PITPNB: variants seen among roughly 807,000 people sequenced by gnomAD.
PITPNB encodes the protein phosphatidylinositol transfer protein beta isoform.
A neutral mutation model predicts 45.9 loss-of-function variants in PITPNB; 16 were observed. That is an observed-to-expected ratio of 0.35 (90% CI 0.24 to 0.53). The LOEUF (loss-of-function observed/expected upper bound fraction) is 0.53, where lower values mean the gene tolerates loss of function less well. PITPNB is among the 20% of genes least tolerant of loss of function. PITPNB has a pLI of 0.93. For missense variants in PITPNB, 188 were observed against 330.5 expected (o/e 0.57, Z 3.34); for synonymous variants, 112 against 108.9 (o/e 1.03, Z -0.18).
chr22:27,917,132 ATAAT>A (rs1381437177), intron 1 of PITPNB, among the ~76,000 whole-genome samples: 2 of 152,244 alleles, frequency 1.3e-5, no homozygotes, highest in Non-Finnish European at 2.9e-5. Flanking sequence ...TTTGGGAAAA[ATAAT>A]TAGACTTTGG....
intron 1 of PITPNB, among the ~76,000 whole-genome samples, chr22:27,917,607 T>C (rs1936120807): frequency 6.6e-6 from 1 of 152,192 alleles, no homozygotes; most frequent in Non-Finnish European, 1.5e-5. Flanking sequence ...AAAGGCAAAA[T>C]GTCTCTTCTC....
chr22:27,868,389 A>C (rs10483138), intron 8 of PITPNB, among the ~76,000 whole-genome samples: 6,577 of 152,238 alleles, frequency 0.043, 239 homozygotes, highest in African/African-American at 0.092. Context: ...TTGCAGTTTC[A>C]TTATCTTAGG....
At position 27,852,991 on chromosome 22, in the gene PITPNB, A is replaced by G. The variant is rs1481351847; in HGVS notation, c.*711T>C. The G allele has an allele frequency of 6.6e-6, 1 of 152,662 alleles. No homozygotes were observed. The highest frequency in any genetic ancestry group is 1.9e-4 in the East Asian group (1 of 5,206). The allele number at this position is 152,662 out of a possible 1,614,324, so 9.5% of individuals were successfully genotyped here. On this transcript the variant is annotated 3_prime_UTR_variant, in exon 12 of 12. Coordinates refer to ENST00000335272, the MANE Select transcript of PITPNB (RefSeq NM_012399.5). ...TTAAAAGGATTTTTCCCTCAGGGCA[A>G]ACAAGTAAAAACTGGCCTGTAACTT...
chr22:27,901,427 T>C (rs749030638), intron 3 of PITPNB, among the ~76,000 whole-genome samples: 32 of 152,070 alleles, frequency 2.1e-4, no homozygotes, highest in East Asian at 1.9e-4. Flanking sequence ...CAGATGAACA[T>C]CAAAACACAG....
At chr22:27,873,441 T>C (rs1175952901) in intron 8 of PITPNB, among the ~76,000 whole-genome samples, 1 of 152,228 alleles carries the variant, frequency 6.6e-6, no homozygotes, top group African/African-American at 2.4e-5. Context: ...TGGATTTTTA[T>C]ACTGCTTCAG....
At position 27,856,626 on chromosome 22, in the gene PITPNB, C is replaced by T. The variant is rs1934181598; in HGVS notation, c.769-1687G>A. Among the ~76,000 whole-genome samples, 2 of 152,220 alleles carry T rather than the reference C, an allele frequency of 1.3e-5. 1 individual carries two copies. The highest frequency in any genetic ancestry group is 4.1e-4 in the South Asian group (2 of 4,830). ...TAACTACTCTTCCCCATGTGACACA[C>T]AGTTCTTCAGCATAAAAATTAAAAA... On this transcript the variant is annotated intron_variant, in intron 10 of 11. Transcript: ENST00000335272.
intron 8 of PITPNB, among the ~76,000 whole-genome samples, chr22:27,865,814 C>T (rs559639495): frequency 1.4e-4 from 22 of 152,172 alleles, no homozygotes; most frequent in Admixed American, 7.2e-4. Flanking sequence ...CATGTGTTTA[C>T]CTACATAACA....
intron 3 of PITPNB, among the ~76,000 whole-genome samples, chr22:27,908,287 C>T (rs1416446920): frequency 3.5e-5 from 5 of 144,798 alleles, no homozygotes; most frequent in African/African-American, 1.3e-4. Flanking sequence ...CCATATCCCA[C>T]TACCAGGTGA....
intron 1 of PITPNB, among the ~76,000 whole-genome samples, chr22:27,917,039 T>C (rs1303481477): frequency 6.6e-6 from 1 of 152,176 alleles, no homozygotes; most frequent in Non-Finnish European, 1.5e-5. Context: ...AAACAGCTTC[T>C]ACCTTCAAAA....
At chr22:27,871,999 A>G (rs1934674942) in intron 8 of PITPNB, among the ~76,000 whole-genome samples, 1 of 150,298 alleles carries the variant, frequency 6.7e-6, no homozygotes, top group Non-Finnish European at 1.5e-5. Flanking sequence ...CATGACTGTA[A>G]GCTTTCTGAA....
At chr22:27,862,203 GC>G (rs1029652762) in intron 8 of PITPNB, among the ~76,000 whole-genome samples, 22 of 152,264 alleles carry the variant, frequency 1.4e-4, no homozygotes, top group Middle Eastern at 3.4e-3. Context: ...TCTCAAATCG[GC>G]CACATACATT....
At chr22:27,892,529 G>A (rs542942853) in intron 7 of PITPNB, among the ~76,000 whole-genome samples, 1 of 152,110 alleles carries the variant, frequency 6.6e-6, no homozygotes, top group Non-Finnish European at 1.5e-5. Flanking sequence ...TCCTGGTGTG[G>A]CATACTGCTG....
chr22:27,861,204 G>C (rs994607905), intron 8 of PITPNB, among the ~76,000 whole-genome samples: 1 of 151,710 alleles, frequency 6.6e-6, no homozygotes, highest in Non-Finnish European at 1.5e-5. Flanking sequence ...GTGGTGGTGG[G>C]AGCCTGTAAT....
chr22:27,874,549 C>A (rs1190613061), intron 7 of PITPNB, among the ~76,000 whole-genome samples: 1 of 152,114 alleles, frequency 6.6e-6, no homozygotes, highest in East Asian at 1.9e-4. Flanking sequence ...CTTAGTATAT[C>A]TTTTTCCTGA....
In PITPNB at chr22:27,861,050, G is replaced by C. The variant is rs79258680; in HGVS notation, c.535-809C>G. 2.3e-5 allele frequency among the ~76,000 whole-genome samples: 3 copies of C among 133,020 alleles called. No individual in the cohort carries two copies. In the East Asian group the frequency reaches 7.3e-4, roughly 32 times the overall value. 87.3% of individuals were successfully genotyped at this position (133,020 alleles called of 152,430 possible). On this transcript the variant is annotated intron_variant, in intron 8 of 11. Coordinates refer to ENST00000335272, the MANE Select transcript of PITPNB (RefSeq NM_012399.5). ...AAAAAAAAAAAAAAAAAAAAAAAAG[G>C]CTGGGCACAGTGGCTCACACCTGTA...
intron 8 of PITPNB, among the ~76,000 whole-genome samples, chr22:27,863,491 T>C (rs1934397383): frequency 6.6e-6 from 1 of 152,200 alleles, no homozygotes; most frequent in Non-Finnish European, 1.5e-5. Context: ...CACCCACCCA[T>C]AGTGAATTTC....
At position 27,896,527 on chromosome 22, in the gene PITPNB, C is replaced by T. The variant is rs750530414; in HGVS notation, c.372+25G>A. The T allele has an allele frequency of 2.0e-5, 31 of 1,512,424 alleles. No individual in the cohort carries two copies. In the Admixed American group the frequency reaches 3.8e-4, roughly 19 times the overall value. 93.7% of individuals were successfully genotyped at this position (1,512,424 alleles called of 1,614,324 possible). ...ATTCTCGTTTCCAGGGACTTTTGTA[C>T]TAAAAGTGCAGAGTTGAAACTTACA... On this transcript the variant is annotated intron_variant, in intron 6 of 11. Coordinates refer to ENST00000335272, the MANE Select transcript of PITPNB (RefSeq NM_012399.5).
intron 11 of PITPNB, among the ~76,000 whole-genome samples, chr22:27,854,000 C>T (rs1934101623): frequency 6.6e-6 from 1 of 151,464 alleles, no homozygotes; most frequent in African/African-American, 2.4e-5. Flanking sequence ...AGAGTTACTT[C>T]ATTCTTATTT....
chr22:27,859,119 G>C (rs1279047441), intron 9 of PITPNB, among the ~76,000 whole-genome samples: 4 of 152,142 alleles, frequency 2.6e-5, no homozygotes, highest in Admixed American at 2.0e-4. Context: ...AAAGTGCATG[G>C]AACAGTAAGT....
Sources: gnomAD v4.1 joint callset for allele counts (sites outside exome capture counted in the v4.1 genomes callset) on GRCh38, gnomAD v4.1.1 for gene constraint, MANE v1.5 for transcripts, NCBI Gene and HGNC (gene_info 2026-07-23, HGNC 2026-07-21) for gene names.